The following TIMD4 variants were observed in gnomAD, a reference collection of about 807,000 sequenced individuals.
TIMD4 encodes T cell immunoglobulin and mucin domain containing 4.
TIMD4 carries 31 observed loss-of-function variants against 41.2 expected under a neutral mutation model. The observed-to-expected ratio is 0.75, with a 90% CI of 0.57 to 1.01. The LOEUF is 1.01. TIMD4 is among the 50% of genes least tolerant of loss of function. TIMD4 has a pLI of 0.00. For missense variants in TIMD4, 479 were observed against 472.5 expected (o/e 1.01, Z -0.13); for synonymous variants, 204 against 177.1 (o/e 1.15, Z -1.21).
intron 1 of TIMD4, among the ~76,000 whole-genome samples, chr5:156,961,247 C>G (rs1161290517): frequency 6.6e-6 from 1 of 152,000 alleles, no homozygotes; most frequent in African/African-American, 2.4e-5. Flanking sequence ...CTGGCGAGGA[C>G]GCAAAGAAAG....
intron 5 of TIMD4, among the ~76,000 whole-genome samples, chr5:156,928,806 C>G (rs1759395860): frequency 6.6e-6 from 1 of 152,140 alleles, no homozygotes; most frequent in Admixed American, 6.6e-5. Context: ...CAATTATCCC[C>G]TAGAGCTGAA....
intron 7 of TIMD4, among the ~76,000 whole-genome samples, chr5:156,921,341 C>T (rs372392132): frequency 2.0e-5 from 3 of 152,040 alleles, no homozygotes; most frequent in African/African-American, 7.2e-5. Flanking sequence ...CAGGATCACG[C>T]CAGGCATGGT....
intron 5 of TIMD4, among the ~76,000 whole-genome samples, chr5:156,938,108 C>T (rs1040398923): frequency 6.6e-6 from 1 of 152,182 alleles, no homozygotes; most frequent in African/African-American, 2.4e-5. Context: ...TCTGACAGGG[C>T]TCAATTTTAT....
Position 156,954,742 on chromosome 5 carries a change from C to T in TIMD4, c.73G>A (p.Glu25Lys). 2 of 1,609,432 alleles carry T rather than the reference C, an allele frequency of 1.2e-6. No individual in the cohort carries two copies. Among genetic ancestry groups the T allele is most frequent in the Non-Finnish European group, 1.7e-6 (2 of 1,176,970 alleles). Residue 25 changes from glutamate to lysine, a missense_variant, in exon 2 of 9, where the codon GAG becomes AAG. Glu to Lys is a moderately conservative substitution (Grantham distance 56). Coordinates refer to ENST00000274532, the MANE Select transcript of TIMD4 (RefSeq NM_138379.3). ...WWLYLTPVTS[E>K]TVVTEVLGHR... is the part of the protein sequence containing the mutation. ...CCCAAAACCTCCGTCACAACAGTCT[C>T]TGAAGTGACTGGTGCTGCAAGGAAA... is the stretch of plus-strand genomic sequence containing the variant.
chr5:156,924,310 C>G (rs1759306975), intron 6 of TIMD4: 3 of 345,040 alleles, frequency 8.7e-6, no homozygotes, highest in South Asian at 7.9e-5. Flanking sequence ...GAAAGCATCT[C>G]TCAGCTTTGA....
In TIMD4 at chr5:156,949,558, T is replaced by C. The variant is rs1759813704; in HGVS notation, c.760+93A>G. 4 of 1,088,248 alleles carry C rather than the reference T, an allele frequency of 3.7e-6. No homozygotes were observed. The Admixed American group carries it at 5.6e-5, about 15-fold the overall frequency. The allele number at this position is 1,088,248 out of a possible 1,614,324, so 67.4% of individuals were successfully genotyped here. On this transcript the variant is annotated intron_variant, in intron 4 of 8. Coordinates refer to ENST00000274532, the MANE Select transcript of TIMD4 (RefSeq NM_138379.3). ...TTATGGCACAAAAGACCCAAAGAGG[T>C]TGTCAGTCATCTGATTCAGCAAGAC...
rs3068099 is a variant in TIMD4, at chr5:156,951,007, TACAC to T, written c.679+501_679+504del. 3.6e-3 allele frequency among the ~76,000 whole-genome samples: 534 copies of T among 149,458 alleles called. 2 individuals carry two copies. Among genetic ancestry groups the T allele is most frequent in the African/African-American group, 0.012 (499 of 40,874 alleles). ...ACAATTTGGTGAAAACACCTCCTCG[TACAC>T]ACACACACACACACACACACCCATG... On this transcript the variant is annotated intron_variant, in intron 3 of 8. Coordinates refer to ENST00000274532, the MANE Select transcript of TIMD4 (RefSeq NM_138379.3).
chr5:156,945,410 A>G (rs554968089), intron 5 of TIMD4, among the ~76,000 whole-genome samples: 1 of 152,330 alleles, frequency 6.6e-6, no homozygotes, highest in African/African-American at 2.4e-5. Context: ...AGCTTCCCTA[A>G]TAAAGTCTCT....
rs148719577 is a variant in TIMD4 at position 156,933,876 on chromosome 5, G to A, written c.845-7564C>T. Among the ~76,000 whole-genome samples, 52 of 152,164 alleles carry A rather than the reference G, an allele frequency of 3.4e-4. No homozygotes were observed. The East Asian group carries it at 8.3e-3, about 24-fold the overall frequency. On this transcript the variant is annotated intron_variant, in intron 5 of 8. Coordinates refer to ENST00000274532, the MANE Select transcript of TIMD4 (RefSeq NM_138379.3). ...TGCCCGGCCCTTTCTGGCCCTTTAC[G>A]GAAAAAGTTTGCAGATCCCTATTGG... is the stretch of plus-strand genomic sequence containing the variant.
intron 1 of TIMD4, among the ~76,000 whole-genome samples, chr5:156,962,442 G>T (rs958327188): frequency 6.6e-6 from 1 of 152,032 alleles, no homozygotes; most frequent in Admixed American, 6.6e-5. Context: ...AACTGCAAGG[G>T]CCATTCAATA....
chr5:156,944,166 T>C (rs1164047189), intron 5 of TIMD4, among the ~76,000 whole-genome samples: 4 of 152,188 alleles, frequency 2.6e-5, no homozygotes, highest in Non-Finnish European at 5.9e-5. Context: ...TCTAATAGAT[T>C]TGGGGGGAGT....
chr5:156,922,444 A>C (rs1159923827), intron 6 of TIMD4, among the ~76,000 whole-genome samples: 1 of 152,228 alleles, frequency 6.6e-6, no homozygotes, highest in Non-Finnish European at 1.5e-5. Context: ...TCTGAGGATA[A>C]AAAATAACTG....
chr5:156,948,123 C>T (rs889487108), intron 5 of TIMD4, among the ~76,000 whole-genome samples: 3 of 151,968 alleles, frequency 2.0e-5, no homozygotes, highest in Admixed American at 6.6e-5. Flanking sequence ...TACGTGGCCA[C>T]GAAGGAGCCA....
Position 156,951,737 on chromosome 5 carries a change from T to C in TIMD4, c.454A>G (p.Thr152Ala), listed in dbSNP as rs1759862570. The change falls in exon 3 of 9, where the codon ACA (threonine) becomes GCA (alanine). Residue 152 changes from threonine (T) to alanine (A), a missense_variant. Physicochemically the swap from Thr to Ala is moderately conservative, Grantham distance 58. Coordinates refer to ENST00000274532, the MANE Select transcript of TIMD4 (RefSeq NM_138379.3). ...ATTTTRRTTT[T>A]SPTTTRQMTT... ...ATTTGTCGGGTGGTGGTGGGGCTTGTTGTTGTTGTTCTGCGTGTGGTGGTG... is the reference window on the plus strand; with the variant it reads ...ATTTGTCGGGTGGTGGTGGGGCTTGCTGTTGTTGTTCTGCGTGTGGTGGTG... 1 of 1,613,996 alleles carries C rather than the reference T, an allele frequency of 6.2e-7. No homozygotes were observed. Among genetic ancestry groups the C allele is most frequent in the East Asian group, 2.2e-5 (1 of 44,866 alleles).
In TIMD4 at chr5:156,948,515, GGAAAACA is replaced by G; in HGVS notation, c.761-23_761-17del. The G allele has an allele frequency of 6.6e-7, 1 of 1,523,836 alleles. No individual in the cohort carries two copies. The highest frequency in any genetic ancestry group is 8.8e-7 in the Non-Finnish European group (1 of 1,135,610). The allele number at this position is 1,523,836 out of a possible 1,614,324, so 94.4% of individuals were successfully genotyped here. ...ACTTTGGACTCTTTGGAAAAACAAAGGAAAACAGAAAACAGACTTAGGTAAATGCTTG... is the reference window on the plus strand; with the variant it reads ...ACTTTGGACTCTTTGGAAAAACAAAGGAAAACAGACTTAGGTAAATGCTTG... On this transcript the variant is annotated splice_polypyrimidine_tract_variant and intron_variant, in intron 4 of 8. Coordinates refer to ENST00000274532, the MANE Select transcript of TIMD4 (RefSeq NM_138379.3).
chr5:156,948,326 A>T, intron 5 of TIMD4, 90 bp downstream of exon 5: 2 of 550,314 alleles, frequency 3.6e-6, no homozygotes, highest in Non-Finnish European at 4.9e-6. Flanking sequence ...CATCTCTACA[A>T]AAAAAAAAAA....
Position 156,923,090 on chromosome 5 carries a change from G to A in TIMD4, c.895-874C>T, listed in dbSNP as rs146181521. ...TTTTAATTTTAAAAAATGAGATGGT[G>A]TCTCGCTATGTTGCCCAGGCTGGGC... On this transcript the variant is annotated intron_variant, in intron 6 of 8. Coordinates refer to ENST00000274532, the MANE Select transcript of TIMD4 (RefSeq NM_138379.3). 6.8e-3 allele frequency among the ~76,000 whole-genome samples: 1,016 copies of A among 149,450 alleles called. 13 individuals are homozygous for A. The highest frequency in any genetic ancestry group is 0.023 in the African/African-American group (926 of 40,666).
At chr5:156,927,902 G>A (rs1759377252) in intron 5 of TIMD4, among the ~76,000 whole-genome samples, 1 of 152,066 alleles carries the variant, frequency 6.6e-6, no homozygotes, top group Non-Finnish European at 1.5e-5. Context: ...CCCCTAACAA[G>A]CAGTTGATGC....
intron 1 of TIMD4, among the ~76,000 whole-genome samples, chr5:156,959,110 C>T (rs1328608517): frequency 6.6e-6 from 1 of 152,162 alleles, no homozygotes; most frequent in Non-Finnish European, 1.5e-5. Flanking sequence ...TTGGGGATAG[C>T]AGTCCAAAGG....
Sources: allele counts gnomAD v4.1 joint callset (sites outside exome capture counted in the v4.1 genomes callset), GRCh38; gene constraint gnomAD v4.1.1; transcripts MANE v1.5; gene names NCBI Gene and HGNC (gene_info 2026-07-23, HGNC 2026-07-21).